Variants in NUP85 observed in about 807,000 individuals in gnomAD.
NUP85 encodes the protein nucleoporin 85.
In NUP85, 23 loss-of-function variants were observed where a neutral mutation model predicts 92.8. That is an observed-to-expected ratio of 0.25 (90% CI 0.18 to 0.35). NUP85 has a LOEUF of 0.35. Among genes scored for constraint, NUP85 ranks in the 10% least tolerant of loss-of-function variants. The pLI, the probability that NUP85 is intolerant of heterozygous loss-of-function variation, is 1.00. For missense variants in NUP85, 759 were observed against 822.8 expected (o/e 0.92, Z 0.95); for synonymous variants, 314 against 306.9 (o/e 1.02, Z -0.24).
At chr17:75,208,202 G>A (rs1168764009) in intron 1 of NUP85, 2 of 255,148 alleles carry the variant, frequency 7.8e-6, no homozygotes, top group Non-Finnish European at 7.4e-6. Context: ...TTGGGAGGCT[G>A]AGGCGGACGG....
Position 75,205,714 on chromosome 17 carries a change from G to A in NUP85, c.-48G>A. 6.2e-7 allele frequency: 1 copy of A among 1,613,010 alleles called. No individual in the cohort carries two copies. Among genetic ancestry groups the A allele is most frequent in the Non-Finnish European group, 8.5e-7 (1 of 1,179,004 alleles). On this transcript the variant is annotated 5_prime_UTR_variant, in exon 1 of 19. Transcript: ENST00000245544. ...CAGCTCTGAGCGGGAGGCCTGAGCG[G>A]GAAGCATTGGCGTCCGAGCGACTTC...
At chr17:75,213,867 T>G (rs1374310956) in intron 5 of NUP85, among the ~76,000 whole-genome samples, 53 of 147,438 alleles carry the variant, frequency 3.6e-4, no homozygotes, top group African/African-American at 1.3e-3. Context: ...CTCAAGTTTT[T>G]TTTTTTTTTT....
chr17:75,217,937 A>C (rs1163530948), intron 6 of NUP85, among the ~76,000 whole-genome samples: 1 of 152,180 alleles, frequency 6.6e-6, no homozygotes, highest in Non-Finnish European at 1.5e-5. Context: ...TGAGGTCTGC[A>C]TTCCATGTTC....
At chr17:75,235,294 C>T in intron 18 of NUP85, 93 bp downstream of exon 18, 1 of 853,120 alleles carries the variant, frequency 1.2e-6, no homozygotes, top group Non-Finnish European at 1.9e-6. Flanking sequence ...AACACTGGCT[C>T]CTATGGACAC....
chr17:75,227,820 T>G (rs1478214951), intron 11 of NUP85: 1 of 151,652 alleles, frequency 6.6e-6, no homozygotes, highest in African/African-American at 2.4e-5. Flanking sequence ...ATTTTTTTTT[T>G]TGGAGAGATG....
intron 5 of NUP85, among the ~76,000 whole-genome samples, chr17:75,213,999 G>C (rs749288301): frequency 6.6e-6 from 1 of 151,022 alleles, no homozygotes; most frequent in Non-Finnish European, 1.5e-5. Context: ...AGCCTCCCGA[G>C]TAGCTGGGCT....
chr17:75,208,187 G>T, intron 1 of NUP85: 1 of 237,016 alleles, frequency 4.2e-6, no homozygotes, highest in South Asian at 8.6e-5. Flanking sequence ...TGTAGTCCTA[G>T]CACTTTGGGA....
intron 16 of NUP85, among the ~76,000 whole-genome samples, chr17:75,233,744 G>A (rs370295882): frequency 2.6e-5 from 4 of 151,814 alleles, no homozygotes; most frequent in African/African-American, 7.3e-5. Context: ...GACTACAGGC[G>A]CACGCCACCA....
At chr17:75,206,383 G>T (rs1426426837) in intron 1 of NUP85, among the ~76,000 whole-genome samples, 2 of 152,106 alleles carry the variant, frequency 1.3e-5, no homozygotes, top group Admixed American at 1.3e-4. Flanking sequence ...TTAACCAGAA[G>T]TGACTGAGGC....
At position 75,226,115 on chromosome 17, in the gene NUP85, C is replaced by A; in HGVS notation, c.1052C>A (p.Ala351Glu). 1 of 1,614,116 alleles carries A rather than the reference C, an allele frequency of 6.2e-7. No individual in the cohort carries two copies. The highest frequency in any genetic ancestry group is 8.5e-7 in the Non-Finnish European group (1 of 1,180,022). ...SPEPLDNILL[A>E]AFEFDIHQVI... The stretch of plus-strand genomic sequence containing the variant: ...GAACCCCTGGACAACATCTTGTTGG[C>A]AGCCTTTGAGTTTGACATCCATCAA... The change falls in exon 11 of 19, where the codon GCA (alanine) becomes GAA (glutamate). Residue 351 changes from alanine to glutamate, a missense_variant. Physicochemically the swap from Ala to Glu is moderately radical, Grantham distance 107 (BLOSUM62 -1). Transcript: ENST00000245544.
At chr17:75,232,714 G>A (rs1012955276) in intron 14 of NUP85, 137 bp from the exon 15 acceptor site, 4 of 774,490 alleles carry the variant, frequency 5.2e-6, no homozygotes, top group East Asian at 2.5e-5. Context: ...CAGCTCTGCC[G>A]ATCCAGCTGC....
Position 75,231,586 on chromosome 17 carries a change from A to G in NUP85, c.1192A>G (p.Met398Val), listed in dbSNP as rs2076060010. The change falls in exon 13 of 19, where the codon ATG becomes GTG. Residue 398 changes from methionine to valine, a missense_variant. Physicochemically the swap from Met to Val is conservative, Grantham distance 21 (BLOSUM62 1). Coordinates refer to ENST00000245544, the MANE Select transcript of NUP85 (RefSeq NM_024844.5). This position sits in a 1 kb window ranked among gnomAD's most constrained non-coding sequence, Gnocchi z 4.6. ...GTTTTATTCCAGTTTCGGTTCCAAC[A>G]TGAGAGAGTTCCTCCTGCTGGAGTA... ...QSHNLYFGSNMREFLLLEYAS... is the reference protein window; with the variant it reads ...QSHNLYFGSNVREFLLLEYAS... 1.1e-5 allele frequency: 18 copies of G among 1,614,072 alleles called. No individual in the cohort carries two copies. Among genetic ancestry groups the G allele is most frequent in the Non-Finnish European group, 1.4e-5 (17 of 1,180,026 alleles).
In NUP85 at chr17:75,233,094, T is replaced by C; in HGVS notation, c.1551T>C (p.Ser517=). 2 of 1,614,202 alleles carry C rather than the reference T, an allele frequency of 1.2e-6. No individual in the cohort carries two copies. The highest frequency in any genetic ancestry group is 1.3e-5 in the African/African-American group (1 of 75,056). ...LRDYCERGCF[S]DLDLIDNLGP... ...ATTACTGTGAGCGAGGCTGCTTTTC[T>C]GATTTGGATCTCATTGACAACCTGG... Residue 517 remains serine (S), a synonymous_variant, in exon 16 of 19, where the codon TCT becomes TCC. Transcript: ENST00000245544.
intron 4 of NUP85, 48 bp downstream of exon 4, chr17:75,212,110 G>GTGTTGGTATTTTGAGTT: frequency 9.6e-7 from 1 of 1,045,428 alleles, no homozygotes; most frequent in Non-Finnish European, 1.4e-6. Context: ...GTGTGTGTGT[G>GTGTTGGTATTTTGAGTT]GGTATTTTGA....
At chr17:75,219,798 C>A (rs2075543501) in intron 7 of NUP85, among the ~76,000 whole-genome samples, 1 of 152,116 alleles carries the variant, frequency 6.6e-6, no homozygotes, top group African/African-American at 2.4e-5. Flanking sequence ...TCGAAGAAGG[C>A]CTCCCTCATG....
intron 7 of NUP85, among the ~76,000 whole-genome samples, chr17:75,223,850 CAG>C (rs987912703): frequency 7.2e-5 from 11 of 152,074 alleles, no homozygotes; most frequent in African/African-American, 2.7e-4. Context: ...AGCTTATAAT[CAG>C]AGAAAAACCA....
Position 75,213,238 on chromosome 17 carries a change from A to G in NUP85, c.405+119A>G, listed in dbSNP as rs1467929885. The G allele has an allele frequency of 9.9e-6, 8 of 810,700 alleles. No individual in the cohort carries two copies. In the South Asian group the frequency reaches 1.2e-4, roughly 13 times the overall value. 50.2% of individuals were successfully genotyped at this position (810,700 alleles called of 1,614,324 possible). On this transcript the variant is annotated intron_variant, in intron 5 of 18. Transcript: ENST00000245544. ...GTCTCTTCTTTTCAGGTAGATAGGC[A>G]GCTCCTTTGGGTGACAGTGATTGTC... is the stretch of plus-strand genomic sequence containing the variant.
rs773593174 is a variant in NUP85 at position 75,209,984 on chromosome 17, C to G, written c.289C>G (p.Gln97Glu). The G allele has an allele frequency of 2.5e-6, 4 of 1,591,766 alleles. No individual in the cohort carries two copies. In the East Asian group the frequency reaches 9.0e-5, roughly 36 times the overall value. ...EELTGKSRKS[Q>E]LVRVSKNYRS... ...GTTGACTGGAAAATCCAGAAAATCT[C>G]AGTAAGTTGGTTGCTGTTTGGTGTT... The change falls in exon 3 of 19, where the codon CAA becomes GAA. Residue 97 changes from glutamine (Q) to glutamate (E), a missense_variant and splice_region_variant. By Grantham distance (29) the Gln-to-Glu change is conservative (BLOSUM62 2). Coordinates refer to ENST00000245544, the MANE Select transcript of NUP85 (RefSeq NM_024844.5).
intron 7 of NUP85, among the ~76,000 whole-genome samples, 172 bp downstream of exon 7, chr17:75,218,478 C>T (rs754576053): frequency 1.5e-4 from 22 of 151,214 alleles, no homozygotes; most frequent in Non-Finnish European, 2.2e-4. Flanking sequence ...AGTCTAAAAC[C>T]GAGGTACCAT....
Sources: allele counts gnomAD v4.1 joint callset (sites outside exome capture counted in the v4.1 genomes callset), GRCh38; gene constraint gnomAD v4.1.1; non-coding constraint Gnocchi (gnomAD v3.1); transcripts MANE v1.5; gene names NCBI Gene and HGNC (gene_info 2026-07-23, HGNC 2026-07-21).